TCF15: variants seen among roughly 807,000 people sequenced by gnomAD.
The protein encoded by TCF15 is TCF-15.
TCF15 carries 7 observed loss-of-function variants against 11.1 expected under a neutral mutation model. The observed-to-expected ratio is 0.63, with a 90% confidence interval of 0.36 to 1.19. The LOEUF is 1.19. TCF15 is among the 50% of genes most tolerant of loss of function. The pLI is 0.02. For missense variants in TCF15, 288 were observed against 289.4 expected (o/e 1.00, Z 0.03); for synonymous variants, 144 against 138.9 (o/e 1.04, Z -0.26).
At position 604,702 on chromosome 20, in the gene TCF15, T is replaced by G. The variant is rs1471536619; in HGVS notation, c.526-37A>C. 1 of 1,502,658 alleles carries G rather than the reference T, an allele frequency of 6.7e-7. No individual in the cohort carries two copies. The highest frequency in any genetic ancestry group is 1.4e-5 in the African/African-American group (1 of 71,290). The allele number at this position is 1,502,658 out of a possible 1,614,324, so 93.1% of individuals were successfully genotyped here. On this transcript the variant is annotated intron_variant, in intron 1 of 1. Transcript: ENST00000246080. This position sits in a 1 kb window ranked among gnomAD's most constrained non-coding sequence, Gnocchi z 4.2. ...GAGAAAGAGTATAAAGAGGTTCGAT[T>G]AGGCCAGTGTGAACACTGGAACTAA...
In TCF15 at chr20:610,255, CT is replaced by C. The variant is rs1161984785; in HGVS notation, c.-19del. 1.3e-5 allele frequency: 13 copies of C among 991,186 alleles called. 1 individual carries two copies. The East Asian group carries it at 3.3e-4, about 25-fold the overall frequency. The allele number at this position is 991,186 out of a possible 1,614,324, so 61.4% of individuals were successfully genotyped here. The stretch of plus-strand genomic sequence containing the variant: ...AACGCCATGGGCGCCGGCCGCGTCC[CT>C]CCGTGCGCCGCGTCCCAGCGTCGGC... On this transcript the variant is annotated 5_prime_UTR_variant, in exon 1 of 2. Coordinates refer to ENST00000246080, the MANE Select transcript of TCF15 (RefSeq NM_004609.4).
Position 609,844 on chromosome 20 carries a change from C to A in TCF15, c.394G>T (p.Asp132Tyr), listed in dbSNP as rs1295562096. Reference protein sequence around the residue: ...AHLANVLLLGDSADDGQPCFR... With the variant: ...AHLANVLLLGYSADDGQPCFR... ...CACGGCTGCCCGTCGTCGGCCGAGT[C>A]GCCCAGCAGCAGCACGTTGGCCAGG... The change falls in exon 1 of 2, where the codon GAC becomes TAC. Residue 132 changes from aspartate to tyrosine, a missense_variant. Asp to Tyr is a radical substitution (Grantham distance 160). Coordinates refer to ENST00000246080, the MANE Select transcript of TCF15 (RefSeq NM_004609.4). This position sits in a 1 kb window ranked among gnomAD's most constrained non-coding sequence, Gnocchi z 4.7. 2 of 1,526,640 alleles carry A rather than the reference C, an allele frequency of 1.3e-6. No individual in the cohort carries two copies. Among genetic ancestry groups the A allele is most frequent in the Non-Finnish European group, 1.7e-6 (2 of 1,147,822 alleles). 94.6% of individuals were successfully genotyped at this position (1,526,640 alleles called of 1,614,324 possible).
At position 604,775 on chromosome 20, in the gene TCF15, C is replaced by T. The variant is rs927578064; in HGVS notation, c.526-110G>A. On this transcript the variant is annotated intron_variant, in intron 1 of 1. Transcript: ENST00000246080. This position sits in a 1 kb window ranked among gnomAD's most constrained non-coding sequence, Gnocchi z 4.2. ...TCCTGATCAATAAATCACAGTTCAG[C>T]CACACGATCAAGTTCTCTGCAACAG... 1.3e-5 allele frequency: 11 copies of T among 872,268 alleles called. No individual in the cohort carries two copies. Among genetic ancestry groups the T allele is most frequent in the Non-Finnish European group, 1.9e-5 (11 of 572,678 alleles). 54.0% of individuals were successfully genotyped at this position (872,268 alleles called of 1,614,324 possible).
chr20:610,307 G>A lies in TCF15; in HGVS notation c.-70C>T, dbSNP rs1055087751. On this transcript the variant is annotated 5_prime_UTR_variant, in exon 1 of 2. Transcript: ENST00000246080. ...CGCGCCCCGCCGTGCGCTCCCGCGC[G>A]CTCCCACGGCCCCGCCGGCCCCCGC... 46 of 982,626 alleles carry A rather than the reference G, an allele frequency of 4.7e-5. No individual in the cohort carries two copies. The highest frequency in any genetic ancestry group is 5.6e-5 in the Non-Finnish European group (46 of 827,332). The allele number at this position is 982,626 out of a possible 1,614,324, so 60.9% of individuals were successfully genotyped here.
In TCF15 at chr20:604,617, C is replaced by A; in HGVS notation, c.574G>T (p.Ala192Ser). The A allele has an allele frequency of 6.4e-7, 1 of 1,553,506 alleles. No individual in the cohort carries two copies. Among genetic ancestry groups the A allele is most frequent in the South Asian group, 1.2e-5 (1 of 84,130 alleles). ...GGSCLKVRGVAPLRGPRR is the reference protein window; with the variant it reads ...GGSCLKVRGVSPLRGPRR ...CATCTCCGTGGCCCTCGAAGGGGGGCCACCCCCCTCACCTTCAAGCAGCTG... is the reference window on the plus strand; with the variant it reads ...CATCTCCGTGGCCCTCGAAGGGGGGACACCCCCCTCACCTTCAAGCAGCTG... Residue 192 changes from alanine to serine, a missense_variant, in exon 2 of 2, where the codon GCC becomes TCC. Transcript: ENST00000246080. The surrounding 1 kb of genome is among the most constrained non-coding windows in gnomAD (Gnocchi z 4.2).
chr20:608,078 C>T (rs979970721), intron 1 of TCF15, among the ~76,000 whole-genome samples: 19 of 152,168 alleles, frequency 1.2e-4, no homozygotes, highest in African/African-American at 4.3e-4. Context: ...ACCCCTTCAT[C>T]GGCCTGCCCC....
chr20:607,081 T>C (rs2019981990), intron 1 of TCF15, among the ~76,000 whole-genome samples: 1 of 152,210 alleles, frequency 6.6e-6, no homozygotes, highest in Admixed American at 6.5e-5. Context: ...TGGCACAGTG[T>C]TGGGAACAAA....
rs1339761397 is a variant in TCF15 at position 609,465 on chromosome 20, G to A, written c.525+248C>T. ...GGAAGGAAGTTCCAGCACACCTTTC[G>A]TTGGAGGGGATATCCCACACTGAGC... is the stretch of plus-strand genomic sequence containing the variant. On this transcript the variant is annotated intron_variant, in intron 1 of 1. Transcript: ENST00000246080. The surrounding 1 kb of genome is among the most constrained non-coding windows in gnomAD (Gnocchi z 4.7). Among the ~76,000 whole-genome samples, 2 of 152,174 alleles carry A rather than the reference G, an allele frequency of 1.3e-5. No individual in the cohort carries two copies. Among genetic ancestry groups the A allele is most frequent in the African/African-American group, 4.8e-5 (2 of 41,412 alleles).
intron 1 of TCF15, among the ~76,000 whole-genome samples, chr20:605,765 T>C (rs1358745441): frequency 6.6e-6 from 1 of 152,224 alleles, no homozygotes; most frequent in Non-Finnish European, 1.5e-5. Context: ...ACTGGACACA[T>C]GGGTTTCATC....
Position 609,589 on chromosome 20 carries a change from A to G in TCF15, c.525+124T>C. 1 of 1,163,430 alleles carries G rather than the reference A, an allele frequency of 8.6e-7. No homozygotes were observed. Among genetic ancestry groups the G allele is most frequent in the Non-Finnish European group, 1.1e-6 (1 of 911,736 alleles). The allele number at this position is 1,163,430 out of a possible 1,614,324, so 72.1% of individuals were successfully genotyped here. A position where few individuals can be genotyped will look rare whatever the true frequency, so the allele number is the denominator to read the frequency against. On this transcript the variant is annotated intron_variant, in intron 1 of 1. Transcript: ENST00000246080. The surrounding 1 kb of genome is among the most constrained non-coding windows in gnomAD (Gnocchi z 4.7). ...CTGGGCTTGGGGTGCCGCACCCAGCACGAATTCCACGTCGCTTCCCCCTGG... is the reference window on the plus strand; with the variant it reads ...CTGGGCTTGGGGTGCCGCACCCAGCGCGAATTCCACGTCGCTTCCCCCTGG...
chr20:609,649 G>A lies in TCF15; in HGVS notation c.525+64C>T. On this transcript the variant is annotated intron_variant, in intron 1 of 1. Coordinates refer to ENST00000246080, the MANE Select transcript of TCF15 (RefSeq NM_004609.4). This position sits in a 1 kb window ranked among gnomAD's most constrained non-coding sequence, Gnocchi z 4.7. ...GGACCCCTGCACCTCTCCGGTTCCCGCAGAGGCGCTGCCCCCCGCCTACCC... is the reference window on the plus strand; with the variant it reads ...GGACCCCTGCACCTCTCCGGTTCCCACAGAGGCGCTGCCCCCCGCCTACCC... 7.6e-7 allele frequency: 1 copy of A among 1,311,690 alleles called. No homozygotes were observed. The highest frequency in any genetic ancestry group is 9.6e-7 in the Non-Finnish European group (1 of 1,038,092). The allele number at this position is 1,311,690 out of a possible 1,614,324, so 81.3% of individuals were successfully genotyped here.
intron 1 of TCF15, among the ~76,000 whole-genome samples, chr20:607,814 G>T (rs572682139): frequency 6.6e-6 from 1 of 152,368 alleles, no homozygotes; most frequent in South Asian, 2.1e-4. Flanking sequence ...CACTGACTGT[G>T]TGTCTCTGCG....
At position 609,588 on chromosome 20, in the gene TCF15, C is replaced by T; in HGVS notation, c.525+125G>A. Reference sequence around the variant, plus strand: ...TCTGGGCTTGGGGTGCCGCACCCAGCACGAATTCCACGTCGCTTCCCCCTG... The same window carrying T: ...TCTGGGCTTGGGGTGCCGCACCCAGTACGAATTCCACGTCGCTTCCCCCTG... On this transcript the variant is annotated intron_variant, in intron 1 of 1. Coordinates refer to ENST00000246080, the MANE Select transcript of TCF15 (RefSeq NM_004609.4). This position sits in a 1 kb window ranked among gnomAD's most constrained non-coding sequence, Gnocchi z 4.7. The T allele has an allele frequency of 1.7e-6, 2 of 1,157,524 alleles. No homozygotes were observed. The highest frequency in any genetic ancestry group is 1.1e-6 in the Non-Finnish European group (1 of 906,340). The allele number at this position is 1,157,524 out of a possible 1,614,324, so 71.7% of individuals were successfully genotyped here.
Position 609,681 on chromosome 20 carries a change from G to A in TCF15, c.525+32C>T, listed in dbSNP as rs1432667239. The A allele has an allele frequency of 2.2e-6, 3 of 1,335,736 alleles. No homozygotes were observed. Among genetic ancestry groups the A allele is most frequent in the Non-Finnish European group, 2.9e-6 (3 of 1,051,358 alleles). 82.7% of individuals were successfully genotyped at this position (1,335,736 alleles called of 1,614,324 possible). On this transcript the variant is annotated intron_variant, in intron 1 of 1. Coordinates refer to ENST00000246080, the MANE Select transcript of TCF15 (RefSeq NM_004609.4). This position sits in a 1 kb window ranked among gnomAD's most constrained non-coding sequence, Gnocchi z 4.7. ...CGCTGCCCCCCGCCTACCCCGACCT[G>A]GCGGCCGCAGCGAGGGACGCAGCAC... is the stretch of plus-strand genomic sequence containing the variant.
At position 604,683 on chromosome 20, in the gene TCF15, G is replaced by T; in HGVS notation, c.526-18C>A. On this transcript the variant is annotated intron_variant, in intron 1 of 1. Coordinates refer to ENST00000246080, the MANE Select transcript of TCF15 (RefSeq NM_004609.4). The surrounding 1 kb of genome is among the most constrained non-coding windows in gnomAD (Gnocchi z 4.2). ...CGGCCACCCTGCAGAGGGGGAGAAAGAGTATAAAGAGGTTCGATTAGGCCA... is the reference window on the plus strand; with the variant it reads ...CGGCCACCCTGCAGAGGGGGAGAAATAGTATAAAGAGGTTCGATTAGGCCA... 1 of 1,544,012 alleles carries T rather than the reference G, an allele frequency of 6.5e-7. No individual in the cohort carries two copies. The highest frequency in any genetic ancestry group is 8.7e-7 in the Non-Finnish European group (1 of 1,143,396).
In TCF15 at chr20:609,756, G is replaced by A. The variant is rs1384567050; in HGVS notation, c.482C>T (p.Pro161Leu). ...VPAAADGGRQ[P>L]RSICTFCLSN... Reference sequence around the variant, plus strand: ...GAGGCAGAAGGTGCAGATGGAGCGCGGCTGGCGGCCGCCGTCGGCGGCGGC... The same window carrying A: ...GAGGCAGAAGGTGCAGATGGAGCGCAGCTGGCGGCCGCCGTCGGCGGCGGC... Residue 161 changes from proline (P) to leucine (L), a missense_variant, in exon 1 of 2, where the codon CCG (proline) becomes CTG (leucine). Physicochemically the swap from Pro to Leu is moderately conservative, Grantham distance 98. Transcript: ENST00000246080. This position sits in a 1 kb window ranked among gnomAD's most constrained non-coding sequence, Gnocchi z 4.7. 1 of 1,405,048 alleles carries A rather than the reference G, an allele frequency of 7.1e-7. No individual in the cohort carries two copies. Among genetic ancestry groups the A allele is most frequent in the Non-Finnish European group, 9.2e-7 (1 of 1,091,830 alleles). 87.0% of individuals were successfully genotyped at this position (1,405,048 alleles called of 1,614,324 possible). A position where few individuals can be genotyped will look rare whatever the true frequency, so the allele number is the denominator to read the frequency against.
chr20:605,611 C>G (rs1012379815), intron 1 of TCF15, among the ~76,000 whole-genome samples: 3 of 152,190 alleles, frequency 2.0e-5, no homozygotes, highest in Admixed American at 6.5e-5. Context: ...TCTCTTGGCC[C>G]AGGACCTGAC....
Position 604,694 on chromosome 20 carries a change from G to A in TCF15, c.526-29C>T, listed in dbSNP as rs1323012062. ...CAGAGGGGGAGAAAGAGTATAAAGA[G>A]GTTCGATTAGGCCAGTGTGAACACT... On this transcript the variant is annotated intron_variant, in intron 1 of 1. Coordinates refer to ENST00000246080, the MANE Select transcript of TCF15 (RefSeq NM_004609.4). The surrounding 1 kb of genome is among the most constrained non-coding windows in gnomAD (Gnocchi z 4.2). 1 of 1,526,902 alleles carries A rather than the reference G, an allele frequency of 6.5e-7. No individual in the cohort carries two copies. The highest frequency in any genetic ancestry group is 2.5e-5 in the East Asian group (1 of 40,764). The allele number at this position is 1,526,902 out of a possible 1,614,324, so 94.6% of individuals were successfully genotyped here. A position where few individuals can be genotyped will look rare whatever the true frequency, so the allele number is the denominator to read the frequency against.
In TCF15 at chr20:609,662, C is replaced by T. The variant is rs1301820104; in HGVS notation, c.525+51G>A. 7.5e-7 allele frequency: 1 copy of T among 1,326,294 alleles called. No individual in the cohort carries two copies. Among genetic ancestry groups the T allele is most frequent in the South Asian group, 2.1e-5 (1 of 48,010 alleles). The allele number at this position is 1,326,294 out of a possible 1,614,324, so 82.2% of individuals were successfully genotyped here. ...TCTCCGGTTCCCGCAGAGGCGCTGCCCCCCGCCTACCCCGACCTGGCGGCC... is the reference window on the plus strand; with the variant it reads ...TCTCCGGTTCCCGCAGAGGCGCTGCTCCCCGCCTACCCCGACCTGGCGGCC... On this transcript the variant is annotated intron_variant, in intron 1 of 1. Coordinates refer to ENST00000246080, the MANE Select transcript of TCF15 (RefSeq NM_004609.4). This position sits in a 1 kb window ranked among gnomAD's most constrained non-coding sequence, Gnocchi z 4.7.
Sources: gnomAD v4.1 joint callset for allele counts (sites outside exome capture counted in the v4.1 genomes callset) on GRCh38, gnomAD v4.1.1 for gene constraint, Gnocchi (gnomAD v3.1) non-coding constraint, MANE v1.5 for transcripts, NCBI Gene and HGNC (gene_info 2026-07-23, HGNC 2026-07-21) for gene names.